Variants in SCN2A observed in about 807,000 individuals in gnomAD.
The protein encoded by SCN2A is sodium channel protein type 2 subunit alpha.
A neutral mutation model predicts 188.7 loss-of-function variants in SCN2A; 20 were observed. The observed-to-expected ratio is 0.11, with a 90% CI of 0.07 to 0.15. SCN2A has a LOEUF of 0.15. SCN2A is among the 10% of genes least tolerant of loss of function. The pLI is 1.00. For synonymous variants in SCN2A, 804 were observed against 833.1 expected (o/e 0.97, Z 0.60); for missense variants, 1,278 against 2,445.0 (o/e 0.52, Z 10.07).
At chr2:165,269,249 A>G (rs1033099364) in intron 1 of SCN2A, 1 of 152,096 alleles carries the variant, frequency 6.6e-6, no homozygotes, top group Non-Finnish European at 1.5e-5. Context: ...CACTGTAAAT[A>G]TATACAATTT....
At chr2:165,387,132 A>C (rs1201688858) in intron 26 of SCN2A, 116 bp downstream of exon 26, 2 of 1,068,432 alleles carry the variant, frequency 1.9e-6, no homozygotes, top group African/African-American at 3.2e-5. Context: ...CCAAATAAAA[A>C]TCTAATAGTC....
intron 13 of SCN2A, among the ~76,000 whole-genome samples, chr2:165,330,439 G>A (rs1455013964): frequency 6.6e-6 from 1 of 152,054 alleles, no homozygotes; most frequent in Admixed American, 6.6e-5. Flanking sequence ...AGTATTTTGG[G>A]TGTGACCTTA....
intron 1 of SCN2A, among the ~76,000 whole-genome samples, chr2:165,275,986 G>C (rs1010040676): frequency 6.6e-6 from 1 of 152,014 alleles, no homozygotes; most frequent in Non-Finnish European, 1.5e-5. Context: ...GCCCTCCTCG[G>C]CCTCCCAAAG....
intron 25 of SCN2A, among the ~76,000 whole-genome samples, chr2:165,384,386 A>C (rs1701755493): frequency 6.6e-6 from 1 of 152,144 alleles, no homozygotes; most frequent in Non-Finnish European, 1.5e-5. Flanking sequence ...GATCTTCAGA[A>C]TTATACATCT....
intron 18 of SCN2A, among the ~76,000 whole-genome samples, chr2:165,366,915 G>A (rs1285903235): frequency 6.6e-6 from 1 of 151,940 alleles, no homozygotes; most frequent in Non-Finnish European, 1.5e-5. Context: ...AGGACAGGAT[G>A]GAAATACCAA....
chr2:165,267,009 A>C (rs1220570670), intron 1 of SCN2A: 1 of 152,090 alleles, frequency 6.6e-6, no homozygotes, highest in African/African-American at 2.4e-5. Flanking sequence ...TAAATAAGAC[A>C]CACATAAAAA....
At chr2:165,383,250 C>G (rs1701697334) in intron 25 of SCN2A, among the ~76,000 whole-genome samples, 1 of 151,724 alleles carries the variant, frequency 6.6e-6, no homozygotes, top group South Asian at 2.1e-4. Flanking sequence ...GGGGAAGGGG[C>G]TGATTAATCA....
chr2:165,391,460 A>G lies in SCN2A; in HGVS notation c.*1636A>G, dbSNP rs1453835306. ...GTATCTTCAGGTGGATGTCACAGTC[A>G]CTATTGTTAGTTTCTGTTCCTAGCA... On this transcript the variant is annotated 3_prime_UTR_variant, in exon 27 of 27. Coordinates refer to ENST00000375437, the MANE Select transcript of SCN2A (RefSeq NM_001040142.2). The G allele has an allele frequency of 6.6e-6, 1 of 152,546 alleles. No individual in the cohort carries two copies. Among genetic ancestry groups the G allele is most frequent in the East Asian group, 1.9e-4 (1 of 5,194 alleles). 9.4% of individuals were successfully genotyped at this position (152,546 alleles called of 1,614,324 possible). A position where few individuals can be genotyped will look rare whatever the true frequency, so the allele number is the denominator to read the frequency against.
chr2:165,257,487 A>T (rs575227152), intron 1 of SCN2A, among the ~76,000 whole-genome samples: 1 of 151,876 alleles, frequency 6.6e-6, no homozygotes, highest in Non-Finnish European at 1.5e-5. Flanking sequence ...ATGGTATCTC[A>T]TTGTGGTTTT....
At chr2:165,382,780 A>G (rs1480404349) in intron 25 of SCN2A, among the ~76,000 whole-genome samples, 2 of 152,178 alleles carry the variant, frequency 1.3e-5, no homozygotes, top group African/African-American at 2.4e-5. Flanking sequence ...CCAGACTGAA[A>G]TAAGGATTTT....
intron 1 of SCN2A, among the ~76,000 whole-genome samples, chr2:165,283,510 T>C (rs6740895): frequency 0.27 from 41,727 of 152,114 alleles, 5,851 homozygotes; most frequent in African/African-American, 0.29. Context: ...TTCATTATGG[T>C]GCATGTGAAG....
intron 1 of SCN2A, chr2:165,273,630 CA>C (rs1695200026): frequency 6.6e-6 from 1 of 151,974 alleles, no homozygotes. Context: ...TTTGAGAACC[CA>C]AAATAAAATG....
chr2:165,327,237 C>A, intron 13 of SCN2A: 1 of 445,626 alleles, frequency 2.2e-6, no homozygotes, highest in Non-Finnish European at 4.1e-6. Flanking sequence ...ACATTAAATT[C>A]TAAACATTGA....
At chr2:165,382,128 C>T (rs889988747) in intron 25 of SCN2A, among the ~76,000 whole-genome samples, 1 of 151,986 alleles carries the variant, frequency 6.6e-6, no homozygotes, top group African/African-American at 2.4e-5. Flanking sequence ...AGAACATTTA[C>T]TGTATGAGAA....
intron 15 of SCN2A, among the ~76,000 whole-genome samples, chr2:165,343,630 T>C (rs924046395): frequency 7.9e-5 from 12 of 152,190 alleles, no homozygotes; most frequent in African/African-American, 2.9e-4. Context: ...AATGCACTAC[T>C]TTCAGCCTGA....
intron 5 of SCN2A, 54 bp from the exon 6 acceptor site, chr2:165,309,298 C>G (rs1337905355): frequency 1.2e-6 from 2 of 1,613,326 alleles, no homozygotes; most frequent in Non-Finnish European, 8.5e-7. Context: ...CCTTATATCT[C>G]CAACTGTTTC....
At chr2:165,247,658 GTGTCCCTGATTC>G (rs1334070209) in intron 1 of SCN2A, among the ~76,000 whole-genome samples, 2 of 152,058 alleles carry the variant, frequency 1.3e-5, no homozygotes, top group Non-Finnish European at 2.9e-5. Context: ...CATTATTTGG[GTGTCCCTGATTC>G]TGTCCCTGAT....
At chr2:165,282,676 G>C (rs1464050665) in intron 1 of SCN2A, among the ~76,000 whole-genome samples, 1 of 152,126 alleles carries the variant, frequency 6.6e-6, no homozygotes, top group Non-Finnish European at 1.5e-5. Flanking sequence ...TGAGCCTCTG[G>C]AGTAGCTAGG....
chr2:165,332,897 G>T (rs1468279921), intron 14 of SCN2A, among the ~76,000 whole-genome samples: 2 of 151,936 alleles, frequency 1.3e-5, no homozygotes, highest in Non-Finnish European at 2.9e-5. Context: ...TCAGCTTCTT[G>T]TCTCTCTTCT....
Sources: allele counts gnomAD v4.1 joint callset (sites outside exome capture counted in the v4.1 genomes callset), GRCh38; gene constraint gnomAD v4.1.1; transcripts MANE v1.5; gene names NCBI Gene and HGNC (gene_info 2026-07-23, HGNC 2026-07-21).